Variants in SCFD1 observed in about 807,000 individuals in gnomAD.
SCFD1 encodes sec1 family domain-containing protein 1.
In SCFD1, 37 loss-of-function variants were observed where a neutral mutation model predicts 103.2. The observed-to-expected ratio is 0.36, with a 90% CI of 0.28 to 0.47. SCFD1 has a LOEUF of 0.47. SCFD1 is among the 20% of genes least tolerant of loss of function. The probability of loss-of-function intolerance (pLI) is 1.00; values close to 1 mark genes in which losing one functional copy is unlikely to be tolerated. For missense variants in SCFD1, 639 were observed against 761.2 expected, an observed-to-expected ratio of 0.84 and a Z score of 1.89; for synonymous variants, 264 against 245.0, an observed-to-expected ratio of 1.08 and a Z score of -0.73.
intron 6 of SCFD1, 45 bp from the exon 7 acceptor site, chr14:30,643,271 C>A: frequency 9.0e-7 from 1 of 1,113,602 alleles, no homozygotes; most frequent in Non-Finnish European, 1.4e-6. Context: ...AAAGATGAGG[C>A]ATAAGTTTGG....
chr14:30,635,618 C>A (rs1240912401), intron 4 of SCFD1, among the ~76,000 whole-genome samples: 1 of 152,032 alleles, frequency 6.6e-6, no homozygotes, highest in Admixed American at 6.6e-5. Context: ...TGAATATATT[C>A]CATTGTATGG....
At chr14:30,626,644 G>C (rs907444920) in intron 1 of SCFD1, among the ~76,000 whole-genome samples, 1 of 152,144 alleles carries the variant, frequency 6.6e-6, no homozygotes, top group Non-Finnish European at 1.5e-5. Flanking sequence ...TTGCCACTGA[G>C]TATACAGTTC....
At chr14:30,683,953 C>CATTAG (rs1889710057) in intron 14 of SCFD1, among the ~76,000 whole-genome samples, 1 of 152,088 alleles carries the variant, frequency 6.6e-6, no homozygotes, top group Admixed American at 6.5e-5. Flanking sequence ...TCAACCCAGT[C>CATTAG]ATTAGACTGA....
chr14:30,708,343 C>T (rs78026675), intron 19 of SCFD1, among the ~76,000 whole-genome samples: 7,801 of 152,148 alleles, frequency 0.051, 361 homozygotes, highest in African/African-American at 0.11. Flanking sequence ...GCTCTCCCGG[C>T]CTCCTACAGG....
At chr14:30,675,570 T>C (rs1888961608) in intron 14 of SCFD1, among the ~76,000 whole-genome samples, 1 of 152,232 alleles carries the variant, frequency 6.6e-6, no homozygotes, top group Non-Finnish European at 1.5e-5. Flanking sequence ...ATTGTTATAG[T>C]TCTTTTTCTC....
rs1245989309 is a variant in SCFD1, at chr14:30,682,115, T to G, written c.1242+7050T>G. ...GAGGTTATACATTCTGATTTGGTCC[T>G]GGAATGCTAGAAATTCAATGTTTTT... On this transcript the variant is annotated intron_variant, in intron 14 of 24. Coordinates refer to ENST00000458591, the MANE Select transcript of SCFD1 (RefSeq NM_016106.4). 5.3e-5 allele frequency among the ~76,000 whole-genome samples: 8 copies of G among 152,234 alleles called. 1 individual carries two copies. The highest frequency in any genetic ancestry group is 5.2e-4 in the Admixed American group (8 of 15,286).
rs1001824540 is a variant in SCFD1 at position 30,643,183 on chromosome 14, A to T, written c.524-133A>T. 17 of 716,222 alleles carry T rather than the reference A, an allele frequency of 2.4e-5. No homozygotes were observed. The African/African-American group carries it at 2.9e-4, about 12-fold the overall frequency. The allele number at this position is 716,222 out of a possible 1,614,324, so 44.4% of individuals were successfully genotyped here. A position where few individuals can be genotyped will look rare whatever the true frequency, so the allele number is the denominator to read the frequency against. ...GCAAGATCCTGTCTGAAAAAAAAAA[A>T]TTTAAACCAAAAAATTTCACTTGCT... On this transcript the variant is annotated intron_variant, in intron 6 of 24. Transcript: ENST00000458591.
intron 13 of SCFD1, among the ~76,000 whole-genome samples, chr14:30,674,257 G>A (rs1317497804): frequency 6.6e-6 from 1 of 152,124 alleles, no homozygotes; most frequent in Non-Finnish European, 1.5e-5. Flanking sequence ...TACTATTAAT[G>A]ATAAAGTAGG....
At chr14:30,637,964 T>C (rs1884896085) in intron 4 of SCFD1, among the ~76,000 whole-genome samples, 161 bp from the exon 5 acceptor site, 1 of 152,194 alleles carries the variant, frequency 6.6e-6, no homozygotes, top group African/African-American at 2.4e-5. Flanking sequence ...GATAACCAGA[T>C]AACCAGTACT....
At chr14:30,627,647 G>A (rs1883619713) in intron 1 of SCFD1, among the ~76,000 whole-genome samples, 1 of 150,874 alleles carries the variant, frequency 6.6e-6, no homozygotes, top group Non-Finnish European at 1.5e-5. Context: ...TCGGGAGGCT[G>A]AAGCAGAACT....
At chr14:30,660,897 A>G (rs1044027995) in intron 10 of SCFD1, among the ~76,000 whole-genome samples, 1 of 152,126 alleles carries the variant, frequency 6.6e-6, no homozygotes, top group Admixed American at 6.5e-5. Flanking sequence ...GCTTCCTGGT[A>G]TGAAAAATAT....
intron 10 of SCFD1, chr14:30,658,211 A>G (rs898293805): frequency 6.0e-5 from 24 of 398,390 alleles, no homozygotes; most frequent in Admixed American, 8.6e-5. Flanking sequence ...TGTACCTTTC[A>G]CCCTCTGCTA....
At chr14:30,683,140 TCA>T (rs1889625814) in intron 14 of SCFD1, 1 of 1,148,260 alleles carries the variant, frequency 8.7e-7, no homozygotes, top group African/African-American at 1.5e-5. Flanking sequence ...GCATGTGTGT[TCA>T]AGGGGCTATC....
intron 11 of SCFD1, among the ~76,000 whole-genome samples, chr14:30,671,984 A>G (rs998155710): frequency 4.6e-5 from 7 of 151,352 alleles, no homozygotes; most frequent in Non-Finnish European, 1.5e-5. Flanking sequence ...ATTGCACTCC[A>G]GCCTGGGCAA....
intron 18 of SCFD1, 130 bp downstream of exon 18, chr14:30,706,015 G>T: frequency 6.3e-6 from 4 of 630,630 alleles, no homozygotes; most frequent in South Asian, 4.6e-5. Context: ...ACATTTAGAT[G>T]GCTGAAGTTC....
intron 23 of SCFD1, among the ~76,000 whole-genome samples, chr14:30,731,401 G>C (rs1203360869): frequency 1.3e-5 from 2 of 152,186 alleles, no homozygotes; most frequent in South Asian, 2.1e-4. Context: ...GTCATTGGTA[G>C]CTTGATGGGG....
At chr14:30,655,483 A>C (rs750610511) in intron 10 of SCFD1, among the ~76,000 whole-genome samples, 4 of 152,212 alleles carry the variant, frequency 2.6e-5, no homozygotes, top group Non-Finnish European at 5.9e-5. Flanking sequence ...GGGGAACCAC[A>C]TGGGATTCTA....
chr14:30,673,925 G>T lies in SCFD1; in HGVS notation c.1088G>T (p.Gly363Val). Residue 363 changes from glycine (G) to valine (V), a missense_variant and splice_region_variant, in exon 13 of 25, where the codon GGA becomes GTA. Gly to Val is a moderately radical substitution (Grantham distance 109). Transcript: ENST00000458591. ...DEVKRLKSIM[G>V]LEGEDEGAIS... Reference sequence around the variant, plus strand: ...ATTGAGACCTTTTTTCTTTACAAGGGACTAGAAGGGGAAGATGAAGGAGCC... The same window carrying T: ...ATTGAGACCTTTTTTCTTTACAAGGTACTAGAAGGGGAAGATGAAGGAGCC... 6.2e-7 allele frequency: 1 copy of T among 1,612,142 alleles called. No homozygotes were observed. The highest frequency in any genetic ancestry group is 8.5e-7 in the Non-Finnish European group (1 of 1,178,412).
At chr14:30,722,624 T>C in intron 23 of SCFD1, 65 bp downstream of exon 23, 1 of 935,710 alleles carries the variant, frequency 1.1e-6, no homozygotes, top group Non-Finnish European at 1.6e-6. Context: ...ACTAGCATAC[T>C]CTGATGGCTA....
Sources: allele counts gnomAD v4.1 joint callset (sites outside exome capture counted in the v4.1 genomes callset), GRCh38; gene constraint gnomAD v4.1.1; transcripts MANE v1.5; gene names NCBI Gene and HGNC (gene_info 2026-07-23, HGNC 2026-07-21).